ZC3H18: variants seen among roughly 807,000 people sequenced by gnomAD.
The protein encoded by ZC3H18 is zinc finger CCCH domain-containing protein 18.
Under a neutral mutation model 106.1 loss-of-function variants are expected in ZC3H18, and 8 were observed. That is an observed-to-expected ratio of 0.08 (90% CI 0.04 to 0.14). ZC3H18 has a LOEUF of 0.14. ZC3H18 is among the 10% of genes least tolerant of loss of function. The pLI is 1.00. For synonymous variants in ZC3H18, 635 were observed against 522.1 expected (o/e 1.22, Z -2.95); for missense variants, 1,318 against 1,278.4 (o/e 1.03, Z -0.47).
chr16:88,599,660 G>C, intron 5 of ZC3H18, 131 bp from the exon 6 acceptor site: 1 of 1,101,448 alleles, frequency 9.1e-7, no homozygotes, highest in Non-Finnish European at 1.3e-6. Context: ...CTCACCCCTT[G>C]AGCACTTGCA....
chr16:88,581,193 G>A (rs1384860094), intron 2 of ZC3H18, among the ~76,000 whole-genome samples: 2 of 152,116 alleles, frequency 1.3e-5, no homozygotes, highest in Non-Finnish European at 2.9e-5. Flanking sequence ...AAACAGATGG[G>A]GTCTCACTAT....
In ZC3H18 at chr16:88,598,600, C is replaced by T. The variant is rs370919166; in HGVS notation, c.838-20C>T. On this transcript the variant is annotated intron_variant, in intron 4 of 17. Transcript: ENST00000301011. ...TGAAAGTTTTACTTTCTCACCTTCT[C>T]CCTTCTCGTTTTTCAATAGGGTGGG... 2,285 of 1,597,514 alleles carry T rather than the reference C, an allele frequency of 1.4e-3. 2 individuals carry two copies. The highest frequency in any genetic ancestry group is 1.8e-3 in the Non-Finnish European group (2,137 of 1,170,282).
intron 6 of ZC3H18, among the ~76,000 whole-genome samples, chr16:88,603,217 C>T (rs1271961769): frequency 6.6e-6 from 1 of 151,978 alleles, no homozygotes; most frequent in East Asian, 1.9e-4. Flanking sequence ...CTGCCTGCCT[C>T]GGCCTCCCAA....
intron 6 of ZC3H18, among the ~76,000 whole-genome samples, chr16:88,603,257 C>T (rs992226915): frequency 1.3e-5 from 2 of 151,544 alleles, no homozygotes; most frequent in Non-Finnish European, 2.9e-5. Context: ...TGAGCCACCG[C>T]ACCTGGCCTG....
At chr16:88,623,024 G>A in intron 9 of ZC3H18, 195 bp from the exon 10 acceptor site, 1 of 716,410 alleles carries the variant, frequency 1.4e-6, no homozygotes, top group Admixed American at 3.0e-5. Flanking sequence ...CACCAAGGAG[G>A]GATGGCACTG....
At chr16:88,582,126 A>G (rs1915167431) in intron 2 of ZC3H18, among the ~76,000 whole-genome samples, 1 of 151,586 alleles carries the variant, frequency 6.6e-6, no homozygotes, top group South Asian at 2.1e-4. Context: ...TCCTGTCATA[A>G]TTGGTAGCTC....
At chr16:88,592,332 C>G (rs1299861871) in intron 3 of ZC3H18, among the ~76,000 whole-genome samples, 1 of 152,124 alleles carries the variant, frequency 6.6e-6, no homozygotes, top group Non-Finnish European at 1.5e-5. Context: ...GGAGAAATGT[C>G]TTTTGCTCAG....
intron 7 of ZC3H18, among the ~76,000 whole-genome samples, chr16:88,609,756 C>T (rs576922955): frequency 1.4e-4 from 22 of 151,928 alleles, no homozygotes; most frequent in South Asian, 1.0e-3. Context: ...CCCACCATCA[C>T]ACCTGGCTAA....
chr16:88,628,880 A>G (rs1249203852), intron 16 of ZC3H18, 26 bp downstream of exon 16: 1 of 1,611,646 alleles, frequency 6.2e-7, no homozygotes, highest in Non-Finnish European at 8.5e-7. Flanking sequence ...CCTAGGGGGC[A>G]GGGCAGAGGG....
At chr16:88,587,717 A>G in intron 3 of ZC3H18, 2 of 1,170,570 alleles carry the variant, frequency 1.7e-6, no homozygotes, top group Non-Finnish European at 2.4e-6. Flanking sequence ...TGAAGCCAGA[A>G]GGAAAGGGGG....
At chr16:88,575,977 T>G (rs946806610) in intron 1 of ZC3H18, among the ~76,000 whole-genome samples, 1 of 152,184 alleles carries the variant, frequency 6.6e-6, no homozygotes, top group Non-Finnish European at 1.5e-5. Flanking sequence ...CTCAGCTCAC[T>G]GCAAGCTCTA....
intron 10 of ZC3H18, chr16:88,623,623 G>T: frequency 1.7e-6 from 1 of 574,148 alleles, no homozygotes. Context: ...CGAGGAAGGG[G>T]CCAGACCCAG....
At chr16:88,616,770 G>A (rs1475080768) in intron 8 of ZC3H18, among the ~76,000 whole-genome samples, 2 of 152,112 alleles carry the variant, frequency 1.3e-5, no homozygotes, top group Non-Finnish European at 2.9e-5. Context: ...TTTACCCAGG[G>A]AGATCCATTT....
At chr16:88,572,494 C>T (rs1031677341) in intron 1 of ZC3H18, among the ~76,000 whole-genome samples, 1 of 151,998 alleles carries the variant, frequency 6.6e-6, no homozygotes, top group Non-Finnish European at 1.5e-5. Context: ...CAAGTATCAT[C>T]TGCCAAATGC....
chr16:88,608,761 C>T, intron 6 of ZC3H18, 173 bp from the exon 7 acceptor site: 2 of 535,930 alleles, frequency 3.7e-6, no homozygotes, highest in Non-Finnish European at 6.8e-6. Context: ...GACTTCTGGC[C>T]TGCTCTTAGA....
chr16:88,614,023 G>A (rs879828024), intron 8 of ZC3H18, among the ~76,000 whole-genome samples: 9 of 152,186 alleles, frequency 5.9e-5, no homozygotes, highest in Non-Finnish European at 1.3e-4. Flanking sequence ...ATGCAAGGAG[G>A]GATCAAGGCA....
At position 88,580,888 on chromosome 16, in the gene ZC3H18, G is replaced by T. The variant is rs142818174; in HGVS notation, c.603+3162G>T. ...GCCCTGGTGTCACGTCTACTACCCAGATGTTTCTCTGTGGAAGAATTACTC... is the reference window on the plus strand; with the variant it reads ...GCCCTGGTGTCACGTCTACTACCCATATGTTTCTCTGTGGAAGAATTACTC... On this transcript the variant is annotated intron_variant, in intron 2 of 17. Coordinates refer to ENST00000301011, the MANE Select transcript of ZC3H18 (RefSeq NM_144604.4). Among the ~76,000 whole-genome samples the T allele has an allele frequency of 6.6e-3, 1,009 of 152,302 alleles. 7 individuals carry two copies. Among genetic ancestry groups the T allele is most frequent in the East Asian group, 0.046 (236 of 5,176 alleles).
At chr16:88,619,356 A>C (rs1905816390) in intron 8 of ZC3H18, among the ~76,000 whole-genome samples, 1 of 152,190 alleles carries the variant, frequency 6.6e-6, no homozygotes, top group Non-Finnish European at 1.5e-5. Flanking sequence ...GGTAACATGG[A>C]CTTGCTGGAT....
At chr16:88,628,392 T>C (rs1487711408) in intron 15 of ZC3H18, among the ~76,000 whole-genome samples, 1 of 152,074 alleles carries the variant, frequency 6.6e-6, no homozygotes, top group African/African-American at 2.4e-5. Context: ...TGCCATGCAG[T>C]CTCAACACAA....
Sources: allele counts gnomAD v4.1 joint callset (sites outside exome capture counted in the v4.1 genomes callset), GRCh38; gene constraint gnomAD v4.1.1; transcripts MANE v1.5; gene names NCBI Gene and HGNC (gene_info 2026-07-23, HGNC 2026-07-21).